LSAMP: variants seen among roughly 807,000 people sequenced by gnomAD.
LSAMP encodes the protein limbic system-associated membrane protein.
Under a neutral mutation model 38.6 loss-of-function variants are expected in LSAMP, and 7 were observed. That is an observed-to-expected ratio of 0.18 (90% CI 0.10 to 0.34). The LOEUF is 0.34. Among genes scored for constraint, LSAMP ranks in the 10% least tolerant of loss-of-function variants. The probability of loss-of-function intolerance (pLI) is 1.00; values close to 1 mark genes in which losing one functional copy is unlikely to be tolerated. For missense variants in LSAMP, 313 were observed against 420.0 expected (o/e 0.75, Z 2.23); for synonymous variants, 154 against 166.8 (o/e 0.92, Z 0.59).
At position 115,842,590 on chromosome 3, in the gene LSAMP, A is replaced by T. The variant is rs769672615; in HGVS notation, c.650-12T>A. ...GATAGTGGGAGGATCTGTAGGAAGG[A>T]CAGGCACACAAGTTTACATGAGGGT... is the stretch of plus-strand genomic sequence containing the variant. On this transcript the variant is annotated splice_polypyrimidine_tract_variant and intron_variant, in intron 4 of 6. Coordinates refer to ENST00000490035, the MANE Select transcript of LSAMP (RefSeq NM_002338.5). The T allele has an allele frequency of 3.7e-6, 6 of 1,612,716 alleles. No homozygotes were observed. The East Asian group carries it at 1.3e-4, about 36-fold the overall frequency.
chr3:116,284,959 A>G (rs1381378811), intron 1 of LSAMP, among the ~76,000 whole-genome samples: 2 of 152,234 alleles, frequency 1.3e-5, no homozygotes, highest in Non-Finnish European at 2.9e-5. Flanking sequence ...TATATGTTCT[A>G]AGACATCTTT....
chr3:116,155,636 T>G (rs1469812144), intron 1 of LSAMP, among the ~76,000 whole-genome samples: 2 of 105,366 alleles, frequency 1.9e-5, no homozygotes, highest in Non-Finnish European at 4.5e-5. Context: ...TGTGTGTGTG[T>G]ATATGTGTGT....
intron 3 of LSAMP, among the ~76,000 whole-genome samples, chr3:115,940,855 A>G: frequency 6.6e-6 from 1 of 152,172 alleles, no homozygotes; most frequent in Middle Eastern, 3.2e-3. Flanking sequence ...ATAGTTTGAA[A>G]TCAGGGACTG....
At chr3:116,399,194 C>A (rs999552104) in intron 1 of LSAMP, among the ~76,000 whole-genome samples, 2 of 152,112 alleles carry the variant, frequency 1.3e-5, no homozygotes, top group Non-Finnish European at 2.9e-5. Context: ...CTTTGGAAGA[C>A]ATTTTAATTT....
intron 1 of LSAMP, chr3:116,367,971 G>A (rs1576167282): frequency 1.3e-5 from 2 of 152,108 alleles, no homozygotes; most frequent in African/African-American, 2.4e-5. Context: ...GTGCCATCTC[G>A]AAATCTACTG....
intron 1 of LSAMP, among the ~76,000 whole-genome samples, chr3:116,331,327 C>T (rs1202869412): frequency 2.0e-5 from 3 of 152,050 alleles, no homozygotes; most frequent in Non-Finnish European, 4.4e-5. Context: ...GGGAAAGAAC[C>T]AGAGAGAACA....
At chr3:116,189,806 ACATTGGCCTGT>A (rs1248835869) in intron 1 of LSAMP, among the ~76,000 whole-genome samples, 1 of 152,108 alleles carries the variant, frequency 6.6e-6, no homozygotes, top group African/African-American at 2.4e-5. Flanking sequence ...AGTAAAAGAG[ACATTGGCCTGT>A]ACAAGAGTGG....
rs1933680922 is a variant in LSAMP, at chr3:115,808,131, TCCCTCCCTCCCTCCCTC to T, written c.*2169_*2185del. On this transcript the variant is annotated 3_prime_UTR_variant, in exon 7 of 7. Transcript: ENST00000490035. ...CTTCCTCCCTCCCTCCCTCCCTCCC[TCCCTCCCTCCCTCCCTC>T]CCCCCCTTCCCCGTCCCCCCCTCCC... The T allele has an allele frequency of 2.0e-5, 1 of 50,826 alleles. No homozygotes were observed. The highest frequency in any genetic ancestry group is 3.0e-4 in the Admixed American group (1 of 3,368). The allele number at this position is 50,826 out of a possible 1,614,324, so 3.1% of individuals were successfully genotyped here. A position where few individuals can be genotyped will look rare whatever the true frequency, so the allele number is the denominator to read the frequency against.
intron 1 of LSAMP, among the ~76,000 whole-genome samples, chr3:116,388,260 A>C (rs911464508): frequency 1.3e-5 from 2 of 152,174 alleles, no homozygotes; most frequent in Non-Finnish European, 2.9e-5. Flanking sequence ...CCTATTTTTC[A>C]GATTTCAGAA....
At chr3:116,009,407 C>T (rs1228411915) in intron 3 of LSAMP, among the ~76,000 whole-genome samples, 1 of 152,138 alleles carries the variant, frequency 6.6e-6, no homozygotes, top group Non-Finnish European at 1.5e-5. Context: ...TCCTTCCAAT[C>T]GTCTTGGCAA....
intron 1 of LSAMP, among the ~76,000 whole-genome samples, chr3:116,209,815 G>A (rs914911399): frequency 1.3e-5 from 2 of 152,098 alleles, no homozygotes; most frequent in Non-Finnish European, 2.9e-5. Flanking sequence ...GCAGTGGCAC[G>A]ATCTCCGCTC....
At chr3:116,393,140 G>A (rs1278726504) in intron 1 of LSAMP, among the ~76,000 whole-genome samples, 1 of 152,160 alleles carries the variant, frequency 6.6e-6, no homozygotes, top group Non-Finnish European at 1.5e-5. Flanking sequence ...TAAAAGAGCT[G>A]TAACACACAC....
chr3:116,091,367 T>C (rs570238182), intron 1 of LSAMP, among the ~76,000 whole-genome samples: 2 of 152,316 alleles, frequency 1.3e-5, no homozygotes, highest in African/African-American at 4.8e-5. Flanking sequence ...AATGCAATTA[T>C]TACAGGGTCC....
chr3:116,186,212 C>T (rs1237745124), intron 1 of LSAMP, among the ~76,000 whole-genome samples: 2 of 152,082 alleles, frequency 1.3e-5, no homozygotes, highest in Non-Finnish European at 2.9e-5. Context: ...CATGAAAGGG[C>T]AGAAAAGATG....
At chr3:116,147,387 G>C (rs1482589118) in intron 1 of LSAMP, among the ~76,000 whole-genome samples, 3 of 151,730 alleles carry the variant, frequency 2.0e-5, no homozygotes, top group Middle Eastern at 3.2e-3. Flanking sequence ...ATTGTTCTCT[G>C]TCTGTCATCA....
intron 3 of LSAMP, among the ~76,000 whole-genome samples, chr3:115,979,021 T>A (rs1398540063): frequency 6.6e-6 from 1 of 152,044 alleles, no homozygotes. Context: ...AAAAAATCAA[T>A]AAAACTGAGT....
chr3:116,251,139 C>T (rs866816367), intron 1 of LSAMP, among the ~76,000 whole-genome samples: 1 of 152,162 alleles, frequency 6.6e-6, no homozygotes, highest in Non-Finnish European at 1.5e-5. Context: ...TCTCTTTTTA[C>T]AAAACGTGTC....
intron 1 of LSAMP, among the ~76,000 whole-genome samples, chr3:116,160,421 A>G (rs1709859531): frequency 7.3e-6 from 1 of 137,106 alleles, no homozygotes; most frequent in Non-Finnish European, 1.6e-5. Flanking sequence ...AGAGAGAGGG[A>G]GGGAGGGAGG....
intron 1 of LSAMP, among the ~76,000 whole-genome samples, chr3:116,416,424 A>G (rs1344689497): frequency 6.6e-6 from 1 of 152,172 alleles, no homozygotes; most frequent in Non-Finnish European, 1.5e-5. Flanking sequence ...AAGATACTAC[A>G]TTTGGGAGGA....
Sources: allele counts gnomAD v4.1 joint callset (sites outside exome capture counted in the v4.1 genomes callset), GRCh38; gene constraint gnomAD v4.1.1; transcripts MANE v1.5; gene names NCBI Gene and HGNC (gene_info 2026-07-23, HGNC 2026-07-21).